ATP8A2: variants seen among roughly 807,000 people sequenced by gnomAD.
ATP8A2 encodes the protein ATPase phospholipid transporting 8A2.
ATP8A2 carries 100 observed loss-of-function variants against 165.6 expected under a neutral mutation model. The observed-to-expected ratio is 0.60, with a 90% confidence interval of 0.51 to 0.71. The LOEUF (loss-of-function observed/expected upper bound fraction) is 0.71, where lower values mean the gene tolerates loss of function less well. ATP8A2 is among the 30% of genes least tolerant of loss of function. ATP8A2 has a pLI of 0.00. For missense variants in ATP8A2, 1,227 were observed against 1,479.5 expected, an observed-to-expected ratio of 0.83 and a Z score of 2.80; for synonymous variants, 543 against 548.8, an observed-to-expected ratio of 0.99 and a Z score of 0.15.
intron 33 of ATP8A2, among the ~76,000 whole-genome samples, chr13:25,958,011 A>T (rs1434902342): frequency 6.6e-6 from 1 of 152,104 alleles, no homozygotes; most frequent in African/African-American, 2.4e-5. Context: ...AATGATGGTT[A>T]GTTAGCAAAC....
rs374036577 is a variant in ATP8A2, at chr13:25,559,643, A to T, written c.1353-78A>T. On this transcript the variant is annotated intron_variant, in intron 14 of 36. Transcript: ENST00000381655. ...TGTAAGTTTGTATATCTAATCTAAG[A>T]ATTAGATCAGTTTTGATCAGAATGT... is the stretch of plus-strand genomic sequence containing the variant. 17 of 1,049,534 alleles carry T rather than the reference A, an allele frequency of 1.6e-5. No homozygotes were observed. The African/African-American group carries it at 2.3e-4, about 14-fold the overall frequency. 65.0% of individuals were successfully genotyped at this position (1,049,534 alleles called of 1,614,324 possible).
rs1015977201 is a variant in ATP8A2 at position 26,016,975 on chromosome 13, C to G, written c.3470-2913C>G. ...CCAAAGTCACATGGACAAGTAGCAGCAAGCAAGGACTAGAACCACCCTTTG... is the reference window on the plus strand; with the variant it reads ...CCAAAGTCACATGGACAAGTAGCAGGAAGCAAGGACTAGAACCACCCTTTG... On this transcript the variant is annotated intron_variant, in intron 36 of 36. Transcript: ENST00000381655. Among the ~76,000 whole-genome samples, 3 of 152,178 alleles carry G rather than the reference C, an allele frequency of 2.0e-5. No individual in the cohort carries two copies. In the East Asian group the frequency reaches 5.8e-4, roughly 29 times the overall value.
At chr13:25,898,757 C>T (rs192303426) in intron 33 of ATP8A2, among the ~76,000 whole-genome samples, 69 of 152,320 alleles carry the variant, frequency 4.5e-4, no homozygotes, top group African/African-American at 1.5e-3. Context: ...GCCTCGCTGC[C>T]GCCTTGCAGT....
At chr13:25,590,994 G>A (rs1042271295) in intron 24 of ATP8A2, among the ~76,000 whole-genome samples, 12 of 152,072 alleles carry the variant, frequency 7.9e-5, no homozygotes, top group African/African-American at 2.7e-4. Context: ...GCAGCCCAGA[G>A]TCCCAGGTCA....
At chr13:25,924,212 A>G (rs1355214092) in intron 33 of ATP8A2, among the ~76,000 whole-genome samples, 1 of 152,212 alleles carries the variant, frequency 6.6e-6, no homozygotes, top group Non-Finnish European at 1.5e-5. Flanking sequence ...GACCTCCTGT[A>G]GATATCTGGA....
intron 2 of ATP8A2, among the ~76,000 whole-genome samples, chr13:25,472,361 T>C (rs77511800): frequency 0.086 from 12,757 of 148,530 alleles, 874 homozygotes; most frequent in African/African-American, 0.19. Context: ...ACCACTGCAC[T>C]CTAGCCTGGG....
rs757962628 is a variant in ATP8A2, at chr13:25,537,974, C to T, written c.508-14C>T. The T allele has an allele frequency of 6.2e-7, 1 of 1,605,606 alleles. No homozygotes were observed. The highest frequency in any genetic ancestry group is 1.1e-5 in the South Asian group (1 of 90,798). On this transcript the variant is annotated splice_polypyrimidine_tract_variant and intron_variant, in intron 6 of 36. Coordinates refer to ENST00000381655, the MANE Select transcript of ATP8A2 (RefSeq NM_016529.6). ...TTCTTTCGTGCCCCTCTGTCCTCAT[C>T]CCTGTCTCTCTAGGTGGCAGTGGGA...
At chr13:25,622,449 C>T (rs1408412399) in intron 24 of ATP8A2, among the ~76,000 whole-genome samples, 2 of 152,040 alleles carry the variant, frequency 1.3e-5, no homozygotes, top group African/African-American at 4.8e-5. Flanking sequence ...TATTTTGAAA[C>T]CTAGAAAAGT....
At chr13:25,536,947 G>A (rs919307198) in intron 6 of ATP8A2, among the ~76,000 whole-genome samples, 1 of 152,206 alleles carries the variant, frequency 6.6e-6, no homozygotes, top group East Asian at 1.9e-4. Context: ...ACACGCTGGG[G>A]CGCTGGGAGG....
chr13:25,588,408 G>A (rs572953617), intron 23 of ATP8A2, among the ~76,000 whole-genome samples: 1 of 152,290 alleles, frequency 6.6e-6, no homozygotes, highest in South Asian at 2.1e-4. Flanking sequence ...GAACCTGCTA[G>A]TAGGTCTGAG....
chr13:25,548,450 T>C (rs2038719458), intron 10 of ATP8A2, among the ~76,000 whole-genome samples: 1 of 152,164 alleles, frequency 6.6e-6, no homozygotes, highest in Admixed American at 6.5e-5. Flanking sequence ...AAAAAGTCAA[T>C]AATAAATGGG....
At chr13:25,794,466 A>T (rs1415498900) in intron 27 of ATP8A2, among the ~76,000 whole-genome samples, 2 of 152,172 alleles carry the variant, frequency 1.3e-5, no homozygotes, top group African/African-American at 4.8e-5. Flanking sequence ...CACTTATTTG[A>T]CATTCTGAAA....
chr13:25,826,316 C>T (rs1445431176), intron 27 of ATP8A2, among the ~76,000 whole-genome samples: 1 of 152,114 alleles, frequency 6.6e-6, no homozygotes, highest in Non-Finnish European at 1.5e-5. Flanking sequence ...GCAAGTTTAT[C>T]TTGGATTTAG....
chr13:25,947,305 G>A (rs540006742), intron 33 of ATP8A2, among the ~76,000 whole-genome samples: 1 of 152,244 alleles, frequency 6.6e-6, no homozygotes, highest in South Asian at 2.1e-4. Context: ...TACTCTTTCT[G>A]TTATGTGATT....
At chr13:25,638,860 G>T (rs1045895441) in intron 24 of ATP8A2, among the ~76,000 whole-genome samples, 1 of 152,100 alleles carries the variant, frequency 6.6e-6, no homozygotes, top group East Asian at 1.9e-4. Flanking sequence ...CAGAGAGAAC[G>T]GTCGGGTTAC....
intron 27 of ATP8A2, among the ~76,000 whole-genome samples, chr13:25,812,238 G>C (rs1950893732): frequency 6.6e-6 from 1 of 150,886 alleles, no homozygotes; most frequent in South Asian, 2.1e-4. Flanking sequence ...ATACTCTCAA[G>C]ATGTACCATT....
chr13:25,948,927 G>A (rs1246643693), intron 33 of ATP8A2, among the ~76,000 whole-genome samples: 1 of 152,192 alleles, frequency 6.6e-6, no homozygotes, highest in South Asian at 2.1e-4. Context: ...TTTCAAGACT[G>A]TGCAGCCCCT....
chr13:25,610,314 G>A (rs995969814), intron 24 of ATP8A2, among the ~76,000 whole-genome samples: 6 of 152,090 alleles, frequency 3.9e-5, no homozygotes, highest in Non-Finnish European at 7.4e-5. Flanking sequence ...TAAGGATCTG[G>A]TTTCATTCTT....
rs372735494 is a variant in ATP8A2, at chr13:25,403,883, C to T, written c.76+31595C>T. ...TTGCTATAATCAATACCAAAATTAT[C>T]GGTTTGCTTTATTTATCCCAGGTAA... On this transcript the variant is annotated intron_variant, in intron 1 of 36. Coordinates refer to ENST00000381655, the MANE Select transcript of ATP8A2 (RefSeq NM_016529.6). 1.5e-4 allele frequency among the ~76,000 whole-genome samples: 23 copies of T among 152,190 alleles called. 1 individual carries two copies. Among genetic ancestry groups the T allele is most frequent in the Admixed American group, 1.2e-3 (19 of 15,288 alleles).
Sources: allele counts gnomAD v4.1 joint callset (sites outside exome capture counted in the v4.1 genomes callset), GRCh38; gene constraint gnomAD v4.1.1; transcripts MANE v1.5; gene names NCBI Gene and HGNC (gene_info 2026-07-23, HGNC 2026-07-21).